Variants in BACH2 observed in about 807,000 individuals in gnomAD.
The protein encoded by BACH2 is transcription regulator protein BACH2.
A neutral mutation model predicts 61.8 loss-of-function variants in BACH2; 5 were observed. The observed-to-expected ratio is 0.08, with a 90% CI of 0.04 to 0.17. The LOEUF (loss-of-function observed/expected upper bound fraction) is 0.17. Ranked by LOEUF, BACH2 falls within the 10% of genes least tolerant of loss-of-function variation. The probability of loss-of-function intolerance (pLI) is 1.00; values close to 1 mark genes in which losing one functional copy is unlikely to be tolerated. For synonymous variants in BACH2, 446 were observed against 440.1 expected (o/e 1.01, Z -0.17); for missense variants, 824 against 1,091.1 (o/e 0.76, Z 3.45).
intron 4 of BACH2, among the ~76,000 whole-genome samples, chr6:90,100,100 T>C (rs1471408087): frequency 6.6e-6 from 1 of 152,210 alleles, no homozygotes; most frequent in African/African-American, 2.4e-5. Context: ...GTAGCAAATG[T>C]CAATATTTCA....
intron 6 of BACH2, among the ~76,000 whole-genome samples, chr6:89,983,664 C>T (rs1301585432): frequency 1.3e-5 from 2 of 152,008 alleles, no homozygotes; most frequent in East Asian, 1.9e-4. Flanking sequence ...AGTGAAACTC[C>T]GTCCAAAAAA....
chr6:90,175,559 C>A (rs1011225496), intron 4 of BACH2, among the ~76,000 whole-genome samples: 6 of 151,202 alleles, frequency 4.0e-5, no homozygotes, highest in African/African-American at 1.5e-4. Context: ...GAGAATTTTT[C>A]AAAATTCTCA....
chr6:90,203,391 C>CAAAAAA (rs34539345), intron 4 of BACH2, among the ~76,000 whole-genome samples: 2 of 59,792 alleles, frequency 3.3e-5, no homozygotes, highest in African/African-American at 1.4e-4. Context: ...TCTCTCTCTC[C>CAAAAAA]AAAAAAAAAA....
intron 4 of BACH2, among the ~76,000 whole-genome samples, chr6:90,206,323 A>G (rs1042140975): frequency 5.3e-5 from 8 of 152,158 alleles, no homozygotes; most frequent in African/African-American, 1.9e-4. Context: ...CAGTTACACT[A>G]AAACCCAGTA....
intron 6 of BACH2, chr6:90,001,079 T>C (rs1777109413): frequency 6.6e-6 from 1 of 152,206 alleles, no homozygotes; most frequent in Non-Finnish European, 1.5e-5. Flanking sequence ...CAATCCATCA[T>C]TTTCAGATTA....
At chr6:90,139,418 C>G (rs1784388614) in intron 4 of BACH2, among the ~76,000 whole-genome samples, 1 of 152,180 alleles carries the variant, frequency 6.6e-6, no homozygotes, top group African/African-American at 2.4e-5. Flanking sequence ...CCCCTGCAGG[C>G]TGTGTGCATG....
At chr6:90,021,392 C>T (rs1265437879) in intron 5 of BACH2, among the ~76,000 whole-genome samples, 1 of 150,460 alleles carries the variant, frequency 6.6e-6, no homozygotes, top group Non-Finnish European at 1.5e-5. Flanking sequence ...TTTCAGACAA[C>T]CTGTCATGTC....
chr6:90,153,322 A>G lies in BACH2; in HGVS notation c.-162+53247T>C, dbSNP rs1305129238. ...TAGGTGACTCTGGGCAAGTCACTGT[A>G]TATCTAAGATCCAGATTCTTTTCCT... On this transcript the variant is annotated intron_variant, in intron 4 of 8. Coordinates refer to ENST00000257749, the MANE Select transcript of BACH2 (RefSeq NM_021813.4). 2.0e-5 allele frequency among the ~76,000 whole-genome samples: 3 copies of G among 152,194 alleles called. 1 individual carries two copies. Among genetic ancestry groups the G allele is most frequent in the African/African-American group, 4.8e-5 (2 of 41,464 alleles).
At chr6:90,154,061 T>C (rs1227918380) in intron 4 of BACH2, among the ~76,000 whole-genome samples, 3 of 152,192 alleles carry the variant, frequency 2.0e-5, no homozygotes, top group African/African-American at 7.2e-5. Context: ...TCTTTTAAAA[T>C]AGGGACTTTG....
chr6:90,088,984 C>A lies in BACH2; in HGVS notation c.-36G>T, dbSNP rs1309123331. Reference sequence around the variant, plus strand: ...ACATGTAATTTTTCCAGGTCCTGTGCTGCCTTCGAGTCTTAGGATGCAGGG... The same window carrying A: ...ACATGTAATTTTTCCAGGTCCTGTGATGCCTTCGAGTCTTAGGATGCAGGG... On this transcript the variant is annotated 5_prime_UTR_variant, in exon 5 of 9. Coordinates refer to ENST00000257749, the MANE Select transcript of BACH2 (RefSeq NM_021813.4). 1 of 152,260 alleles carries A rather than the reference C, an allele frequency of 6.6e-6. No individual in the cohort carries two copies. The highest frequency in any genetic ancestry group is 2.4e-5 in the African/African-American group (1 of 41,420). 9.4% of individuals were successfully genotyped at this position (152,260 alleles called of 1,614,324 possible).
rs61668401 is a variant in BACH2 at position 89,964,207 on chromosome 6, T to TA, written c.244-12346dup. Among the ~76,000 whole-genome samples, 544 of 113,928 alleles carry TA rather than the reference T, an allele frequency of 4.8e-3. 4 individuals carry two copies. Among genetic ancestry groups the TA allele is most frequent in the South Asian group, 0.04 (148 of 3,698 alleles). The allele number at this position is 113,928 out of a possible 152,430, so 74.7% of individuals were successfully genotyped here. A position where few individuals can be genotyped will look rare whatever the true frequency, so the allele number is the denominator to read the frequency against. ...CGTACCCTAAAACTTAAAGTATAAT[T>TA]AAAAAAAAAAAAAAAAAGAAAAGTA... On this transcript the variant is annotated intron_variant, in intron 6 of 8. Coordinates refer to ENST00000257749, the MANE Select transcript of BACH2 (RefSeq NM_021813.4).
At chr6:90,189,752 T>G (rs1018690207) in intron 4 of BACH2, among the ~76,000 whole-genome samples, 3 of 152,132 alleles carry the variant, frequency 2.0e-5, no homozygotes, top group African/African-American at 7.2e-5. Context: ...TATTCTTTCA[T>G]CTGTTTATCT....
At chr6:90,232,478 A>C (rs1472975061) in intron 3 of BACH2, among the ~76,000 whole-genome samples, 1 of 152,260 alleles carries the variant, frequency 6.6e-6, no homozygotes, top group African/African-American at 2.4e-5. Context: ...AGAAATGTCC[A>C]GTAGATGAAC....
At chr6:90,180,163 T>C (rs2127840763) in intron 4 of BACH2, among the ~76,000 whole-genome samples, 1 of 152,080 alleles carries the variant, frequency 6.6e-6, no homozygotes, top group South Asian at 2.1e-4. Flanking sequence ...AAACAATATA[T>C]GAAAAATAAA....
chr6:90,257,172 T>A (rs1322500030), intron 2 of BACH2, among the ~76,000 whole-genome samples: 1 of 152,248 alleles, frequency 6.6e-6, no homozygotes, highest in Non-Finnish European at 1.5e-5. Context: ...TTGTGAATCA[T>A]GCTGCAGTGA....
intron 5 of BACH2, among the ~76,000 whole-genome samples, chr6:90,041,639 C>T (rs1209907106): frequency 6.6e-6 from 1 of 152,064 alleles, no homozygotes; most frequent in Non-Finnish European, 1.5e-5. Flanking sequence ...AAGTCAGTGA[C>T]TAAATTATAT....
chr6:90,032,154 T>G lies in BACH2; in HGVS notation c.-12-23298A>C, dbSNP rs538182173. 9.7e-4 allele frequency among the ~76,000 whole-genome samples: 148 copies of G among 152,150 alleles called. 2 individuals carry two copies. The highest frequency in any genetic ancestry group is 3.4e-3 in the African/African-American group (141 of 41,456). ...GTGCTGGGAAAACTGGTTAGCCATA[T>G]GTAGAAAGCTGAAACTGGATCCCTT... On this transcript the variant is annotated intron_variant, in intron 5 of 8. Coordinates refer to ENST00000257749, the MANE Select transcript of BACH2 (RefSeq NM_021813.4).
intron 4 of BACH2, among the ~76,000 whole-genome samples, chr6:90,132,077 A>T (rs534610818): frequency 2.0e-5 from 3 of 152,344 alleles, no homozygotes; most frequent in Non-Finnish European, 4.4e-5. Context: ...ATGAAAACAC[A>T]CACTACTGTG....
chr6:90,064,965 C>T (rs539216208), intron 5 of BACH2, among the ~76,000 whole-genome samples: 28 of 152,148 alleles, frequency 1.8e-4, no homozygotes, highest in Middle Eastern at 3.4e-3. Context: ...ACACTGGGGT[C>T]GGGAAGAATG....
Sources: allele counts gnomAD v4.1 joint callset (sites outside exome capture counted in the v4.1 genomes callset), GRCh38; gene constraint gnomAD v4.1.1; transcripts MANE v1.5; gene names NCBI Gene and HGNC (gene_info 2026-07-23, HGNC 2026-07-21).